Variants in FBP2 observed in about 807,000 individuals in gnomAD.
FBP2 encodes the protein fructose-bisphosphatase 2.
FBP2 carries 27 observed loss-of-function variants against 31.6 expected under a neutral mutation model. The ratio of observed to expected loss-of-function variants is 0.85; its 90% CI spans 0.63 to 1.18. The LOEUF (loss-of-function observed/expected upper bound fraction) is 1.18, where lower values mean the gene tolerates loss of function less well. Among genes scored for constraint, FBP2 ranks in the 50% most tolerant of loss-of-function variants. The probability of loss-of-function intolerance (pLI) is 0.00; values close to 1 mark genes in which losing one functional copy is unlikely to be tolerated. For synonymous variants in FBP2, 168 were observed against 179.8 expected, an observed-to-expected ratio of 0.93 and a Z score of 0.53; for missense variants, 421 against 436.1, an observed-to-expected ratio of 0.97 and a Z score of 0.31.
rs1019191387 is a variant in FBP2 at position 94,593,691 on chromosome 9, G to A, written c.36C>T (p.Leu12=). 1 of 1,614,092 alleles carries A rather than the reference G, an allele frequency of 6.2e-7. No individual in the cohort carries two copies. Among genetic ancestry groups the A allele is most frequent in the African/African-American group, 1.3e-5 (1 of 74,950 alleles). The part of the protein sequence containing the change: ...TDRSPFETDM[L]TLTRYVMEKG... The stretch of plus-strand genomic sequence containing the variant: ...TTTCCATAACGTAGCGGGTCAGGGT[G>A]AGCATGTCGGTTTCGAAGGGGCTTC... The change falls in exon 1 of 7, where the codon CTC becomes CTT. Residue 12 remains leucine (L), a synonymous_variant. Transcript: ENST00000375337.
rs770324642 is a variant in FBP2 at position 94,571,462 on chromosome 9, C to T, written c.567G>A (p.Pro189=). The T allele has an allele frequency of 9.9e-6, 16 of 1,608,930 alleles. No homozygotes were observed. Among genetic ancestry groups the T allele is most frequent in the East Asian group, 2.2e-5 (1 of 44,788 alleles). ...AGATGATGCCATATTCTGTACCTAC[C>T]GGGTCAAGCATGAAGAGGTCCACGC... is the stretch of plus-strand genomic sequence containing the variant. ...GQGVDLFMLD[P]ALGEFVLVEK... The change falls in exon 4 of 7, where the codon CCG becomes CCA. Residue 189 remains proline, a splice_region_variant and synonymous_variant. Transcript: ENST00000375337.
At chr9:94,586,460 A>G (rs1564186951) in intron 2 of FBP2, among the ~76,000 whole-genome samples, 1 of 152,214 alleles carries the variant, frequency 6.6e-6, no homozygotes, top group Non-Finnish European at 1.5e-5. Flanking sequence ...GCTTAGGCCA[A>G]TAGGAGAAGA....
chr9:94,579,069 A>AAAAAAAAAAG (rs1827347313), intron 3 of FBP2, among the ~76,000 whole-genome samples: 1 of 137,770 alleles, frequency 7.3e-6, no homozygotes, highest in African/African-American at 2.7e-5. Context: ...AAAAAAAAAA[A>AAAAAAAAAAG]GGTTATTTTA....
chr9:94,586,100 G>C (rs1378852773), intron 2 of FBP2, among the ~76,000 whole-genome samples: 1 of 152,170 alleles, frequency 6.6e-6, no homozygotes, highest in Admixed American at 6.5e-5. Flanking sequence ...CACGGGCCAG[G>C]CATGGTGGCT....
At chr9:94,588,710 A>G (rs1264766482) in intron 1 of FBP2, among the ~76,000 whole-genome samples, 2 of 152,108 alleles carry the variant, frequency 1.3e-5, no homozygotes, top group East Asian at 1.9e-4. Context: ...GGGGTTCTCA[A>G]CACACCAGCA....
intron 3 of FBP2, among the ~76,000 whole-genome samples, chr9:94,572,721 C>T (rs1564183810): frequency 6.6e-6 from 1 of 152,158 alleles, no homozygotes; most frequent in African/African-American, 2.4e-5. Context: ...ACAACACACA[C>T]ATGAGTTTAC....
In FBP2 at chr9:94,561,228, G is replaced by A. The variant is rs1046173394; in HGVS notation, c.826-2096C>T. On this transcript the variant is annotated intron_variant, in intron 6 of 6. Transcript: ENST00000375337. Reference sequence around the variant, plus strand: ...AAAGCTCAGCATTAGTACCTAATGCGCTTGTCTTGGAGCCAAGTTACTTTT... The same window carrying A: ...AAAGCTCAGCATTAGTACCTAATGCACTTGTCTTGGAGCCAAGTTACTTTT... Among the ~76,000 whole-genome samples the A allele has an allele frequency of 3.3e-5, 5 of 152,090 alleles. No homozygotes were observed. In the East Asian group the frequency reaches 5.8e-4, roughly 18 times the overall value.
At chr9:94,585,837 C>T (rs1827421045) in intron 2 of FBP2, among the ~76,000 whole-genome samples, 2 of 151,704 alleles carry the variant, frequency 1.3e-5, no homozygotes, top group African/African-American at 4.8e-5. Context: ...TCTCAAACTC[C>T]TGAGCTCAAG....
intron 3 of FBP2, chr9:94,577,575 T>C (rs1002674181): frequency 3.9e-5 from 6 of 152,240 alleles, no homozygotes; most frequent in Non-Finnish European, 8.8e-5. Flanking sequence ...TCATTATTTA[T>C]GGTCTAAATT....
Position 94,587,440 on chromosome 9 carries a change from G to T in FBP2, c.200C>A (p.Thr67Lys). The T allele has an allele frequency of 6.2e-7, 1 of 1,614,000 alleles. No individual in the cohort carries two copies. The highest frequency in any genetic ancestry group is 8.5e-7 in the Non-Finnish European group (1 of 1,179,964). ...ATCCAGTTTCTTCACCTCATCTCCC[G>T]TCACGTTAACGCTTCCTGCGATTCC... The part of the protein sequence containing the change: ...LYGIAGSVNV[T>K]GDEVKKLDVL... Residue 67 changes from threonine (T) to lysine (K), a missense_variant, in exon 2 of 7, where the codon ACG (threonine) becomes AAG (lysine). Physicochemically the swap from Thr to Lys is moderately conservative, Grantham distance 78. Transcript: ENST00000375337.
chr9:94,588,859 G>A (rs922982462), intron 1 of FBP2, among the ~76,000 whole-genome samples: 1 of 152,090 alleles, frequency 6.6e-6, no homozygotes, highest in Non-Finnish European at 1.5e-5. Context: ...CACAGGGTCA[G>A]CCCCAGCCTC....
At position 94,571,454 on chromosome 9, in the gene FBP2, G is replaced by A. The variant is rs780811651; in HGVS notation, c.567+8C>T. 3 of 1,607,570 alleles carry A rather than the reference G, an allele frequency of 1.9e-6. No individual in the cohort carries two copies. The highest frequency in any genetic ancestry group is 1.3e-5 in the African/African-American group (1 of 74,898). ...CCAGGCACAGATGATGCCATATTCTGTACCTACCGGGTCAAGCATGAAGAG... is the reference window on the plus strand; with the variant it reads ...CCAGGCACAGATGATGCCATATTCTATACCTACCGGGTCAAGCATGAAGAG... On this transcript the variant is annotated splice_region_variant and intron_variant, in intron 4 of 6. Transcript: ENST00000375337.
intron 2 of FBP2, chr9:94,586,563 A>G (rs1241381940): frequency 6.6e-6 from 1 of 152,208 alleles, no homozygotes; most frequent in Non-Finnish European, 1.5e-5. Context: ...AAATTATGTG[A>G]GACGAGGGCA....
chr9:94,570,134 G>C (rs1433957797), intron 4 of FBP2: 4 of 152,188 alleles, frequency 2.6e-5, no homozygotes, highest in African/African-American at 7.2e-5. Context: ...TGTCCAGACT[G>C]GGCCCTGCTT....
intron 1 of FBP2, among the ~76,000 whole-genome samples, chr9:94,589,653 G>C (rs1042400057): frequency 6.6e-6 from 1 of 152,156 alleles, no homozygotes; most frequent in African/African-American, 2.4e-5. Context: ...GGTAGCCAGG[G>C]TTGAGAACCA....
chr9:94,561,516 C>G (rs898979837), intron 6 of FBP2, among the ~76,000 whole-genome samples: 3 of 152,028 alleles, frequency 2.0e-5, no homozygotes, highest in Non-Finnish European at 2.9e-5. Context: ...GCACATGCCA[C>G]CACGCCTGGC....
intron 5 of FBP2, among the ~76,000 whole-genome samples, chr9:94,564,072 A>T (rs994755425): frequency 3.9e-5 from 6 of 152,230 alleles, no homozygotes; most frequent in Non-Finnish European, 8.8e-5. Flanking sequence ...GACAGTAATC[A>T]CTGAAGCAGA....
chr9:94,559,396 A>G (rs1312399185), intron 6 of FBP2, among the ~76,000 whole-genome samples: 3 of 152,200 alleles, frequency 2.0e-5, no homozygotes, highest in African/African-American at 7.2e-5. Flanking sequence ...CCTTGTGCTT[A>G]TGAGAGACCT....
In FBP2 at chr9:94,587,566, C is replaced by T. The variant is rs556997575; in HGVS notation, c.171-97G>A. ...AAACGCCAGCAGTGCAGTCCCCTCT[C>T]GTTCTGTGTCTCTGGAGTCTCCAAG... On this transcript the variant is annotated intron_variant, in intron 1 of 6. Transcript: ENST00000375337. The T allele has an allele frequency of 2.4e-5, 25 of 1,040,872 alleles. 1 individual carries two copies. Among genetic ancestry groups the T allele is most frequent in the South Asian group, 2.3e-4 (17 of 74,386 alleles). 64.5% of individuals were successfully genotyped at this position (1,040,872 alleles called of 1,614,324 possible).
Sources: gnomAD v4.1 joint callset for allele counts (sites outside exome capture counted in the v4.1 genomes callset) on GRCh38, gnomAD v4.1.1 for gene constraint, MANE v1.5 for transcripts, NCBI Gene and HGNC (gene_info 2026-07-23, HGNC 2026-07-21) for gene names.